Variants in NAT8 observed in about 807,000 individuals in gnomAD.
NAT8 encodes the protein N-acetyltransferase 8.
For synonymous variants in NAT8, 131 were observed against 115.4 expected, an observed-to-expected ratio of 1.14 and a Z score of -0.87; for missense variants, 357 against 287.1, an observed-to-expected ratio of 1.24 and a Z score of -1.76.
chr2:73,641,765 A>G (rs1676408205), intron 1 of NAT8, 63 bp from the exon 2 acceptor site: 10 of 1,129,008 alleles, frequency 8.9e-6, no homozygotes, highest in Non-Finnish European at 9.9e-6. Context: ...AGGAACAGGG[A>G]GACCTGCTCA....
Position 73,640,816 on chromosome 2 carries a change from A to T in NAT8, c.*129T>A. 2 of 1,024,484 alleles carry T rather than the reference A, an allele frequency of 2.0e-6. No individual in the cohort carries two copies. Among genetic ancestry groups the T allele is most frequent in the Non-Finnish European group, 2.8e-6 (2 of 727,180 alleles). 63.5% of individuals were successfully genotyped at this position (1,024,484 alleles called of 1,614,324 possible). A position where few individuals can be genotyped will look rare whatever the true frequency, so the allele number is the denominator to read the frequency against. ...CCCAGAAGCTACCCCACAAGCAATC[A>T]CATGGGACTCAGATGTGAATGGACA... On this transcript the variant is annotated 3_prime_UTR_variant, in exon 2 of 2. Coordinates refer to ENST00000272425, the MANE Select transcript of NAT8 (RefSeq NM_003960.4).
In NAT8 at chr2:73,641,283, C is replaced by T. The variant is rs1260773292; in HGVS notation, c.346G>A (p.Glu116Lys). 6.2e-7 allele frequency: 1 copy of T among 1,614,136 alleles called. No individual in the cohort carries two copies. Among genetic ancestry groups the T allele is most frequent in the Admixed American group, 1.7e-5 (1 of 59,968 alleles). Reference sequence around the variant, plus strand: ...GCTCCTACCATGCCCACCACCTTCTCTTCAGACTCAGCCACCCAGAAGCAG... The same window carrying T: ...GCTCCTACCATGCCCACCACCTTCTTTTCAGACTCAGCCACCCAGAAGCAG... Reference protein sequence around the residue: ...GSCFWVAESEEKVVGMVGALP... With the variant: ...GSCFWVAESEKKVVGMVGALP... Residue 116 changes from glutamate to lysine, a missense_variant, in exon 2 of 2, where the codon GAG becomes AAG. Transcript: ENST00000272425.
chr2:73,641,939 A>G (rs1436698994), intron 1 of NAT8, among the ~76,000 whole-genome samples: 2 of 152,128 alleles, frequency 1.3e-5, no homozygotes, highest in East Asian at 3.9e-4. Flanking sequence ...TCAACTATAG[A>G]ACAGGGGAGA....
At position 73,641,068 on chromosome 2, in the gene NAT8, G is replaced by T. The variant is rs1176576600; in HGVS notation, c.561C>A (p.Leu187=). 1 of 1,614,178 alleles carries T rather than the reference G, an allele frequency of 6.2e-7. No individual in the cohort carries two copies. Among genetic ancestry groups the T allele is most frequent in the East Asian group, 2.2e-5 (1 of 44,888 alleles). ...TGTIQLSAMA[L]YQSMGFKKTG... ...TCTTCTTGAAGCCCATGCTCTGGTA[G>T]AGGGCCATAGCAGAGAGCTGGATGG... Residue 187 remains leucine, a synonymous_variant, in exon 2 of 2, where the codon CTC becomes CTA. Transcript: ENST00000272425.
At chr2:73,642,036 CT>C (rs1558726721) in intron 1 of NAT8, among the ~76,000 whole-genome samples, 1 of 152,112 alleles carries the variant, frequency 6.6e-6, no homozygotes, top group Non-Finnish European at 1.5e-5. Context: ...ACCGCTCTTC[CT>C]TTTTCTGTTT....
In NAT8 at chr2:73,640,918, A is replaced by G. The variant is rs907124966; in HGVS notation, c.*27T>C. On this transcript the variant is annotated 3_prime_UTR_variant, in exon 2 of 2. Coordinates refer to ENST00000272425, the MANE Select transcript of NAT8 (RefSeq NM_003960.4). ...TTGCTGCTACAGCTGAATGGATTCT[A>G]TTCTGACCAATACACACAGAAAGAG... 12 of 1,582,888 alleles carry G rather than the reference A, an allele frequency of 7.6e-6. No individual in the cohort carries two copies. Among genetic ancestry groups the G allele is most frequent in the Non-Finnish European group, 1.0e-5 (12 of 1,165,224 alleles).
In NAT8 at chr2:73,641,091, T is replaced by C; in HGVS notation, c.538A>G (p.Ile180Val). 1.2e-6 allele frequency: 2 copies of C among 1,614,138 alleles called. No individual in the cohort carries two copies. Among genetic ancestry groups the C allele is most frequent in the East Asian group, 2.2e-5 (1 of 44,874 alleles). ...TAGAGGGCCATAGCAGAGAGCTGGA[T>C]GGTGCCGGTGTCCAGGATAACTTCA... ...YSEVILDTGT[I>V]QLSAMALYQS... The change falls in exon 2 of 2, where the codon ATC becomes GTC. Residue 180 changes from isoleucine to valine, a missense_variant. Coordinates refer to ENST00000272425, the MANE Select transcript of NAT8 (RefSeq NM_003960.4).
At position 73,641,235 on chromosome 2, in the gene NAT8, A is replaced by G. The variant is rs546259119; in HGVS notation, c.394T>C (p.Leu132=). Residue 132 remains leucine, a synonymous_variant, in exon 2 of 2, where the codon TTG becomes CTG. Coordinates refer to ENST00000272425, the MANE Select transcript of NAT8 (RefSeq NM_003960.4). ...AACAGCTGCAACCGCTTCTCCCTCA[A>G]GGTGGGATCATCAACAGGCAGAGCT... ...VGALPVDDPT[L]REKRLQLFHL... is the part of the protein sequence containing the mutation. 2 of 1,614,112 alleles carry G rather than the reference A, an allele frequency of 1.2e-6. No individual in the cohort carries two copies. The highest frequency in any genetic ancestry group is 1.1e-5 in the South Asian group (1 of 91,084).
rs753457718 is a variant in NAT8 at position 73,641,306 on chromosome 2, C to T, written c.323G>A (p.Cys108Tyr). 39 of 1,613,990 alleles carry T rather than the reference C, an allele frequency of 2.4e-5. No individual in the cohort carries two copies. The Admixed American group carries it at 4.3e-4, about 18-fold the overall frequency. Reference sequence around the variant, plus strand: ...CTCTTCAGACTCAGCCACCCAGAAGCAGGAGCCACGCTCACTCAGGTAGGA... The same window carrying T: ...CTCTTCAGACTCAGCCACCCAGAAGTAGGAGCCACGCTCACTCAGGTAGGA... ...TKSYLSERGS[C>Y]FWVAESEEKV... Residue 108 changes from cysteine to tyrosine, a missense_variant, in exon 2 of 2, where the codon TGC (cysteine) becomes TAC (tyrosine). Coordinates refer to ENST00000272425, the MANE Select transcript of NAT8 (RefSeq NM_003960.4).
intron 1 of NAT8, among the ~76,000 whole-genome samples, 190 bp downstream of exon 1, chr2:73,642,128 C>G (rs1188802989): frequency 6.6e-6 from 1 of 152,252 alleles, no homozygotes; most frequent in East Asian, 1.9e-4. Flanking sequence ...CCCTTTTGTC[C>G]TTCTCCAGGG....
chr2:73,641,264 A>C lies in NAT8; in HGVS notation c.365T>G (p.Val122Gly). 1 of 1,614,118 alleles carries C rather than the reference A, an allele frequency of 6.2e-7. No homozygotes were observed. Among genetic ancestry groups the C allele is most frequent in the Middle Eastern group, 1.6e-4 (1 of 6,062 alleles). The change falls in exon 2 of 2, where the codon GTA (valine) becomes GGA (glycine). Residue 122 changes from valine (V) to glycine (G), a missense_variant. Transcript: ENST00000272425. ...AESEEKVVGM[V>G]GALPVDDPTL... ...GGGATCATCAACAGGCAGAGCTCCT[A>C]CCATGCCCACCACCTTCTCTTCAGA...
chr2:73,641,575 C>T lies in NAT8; in HGVS notation c.54G>A (p.Val18=). 2 of 1,590,544 alleles carry T rather than the reference C, an allele frequency of 1.3e-6. No individual in the cohort carries two copies. The highest frequency in any genetic ancestry group is 1.7e-6 in the Non-Finnish European group (2 of 1,168,546). The change falls in exon 2 of 2, where the codon GTG becomes GTA. Residue 18 remains valine (V), a synonymous_variant. Transcript: ENST00000272425. ...KYQESDRQWV[V]GLLSRGMAEH... Reference sequence around the variant, plus strand: ...CGGCCATCCCCCGGGAGAGCAAGCCCACAACCCACTGGCGGTCGCTCTCCT... The same window carrying T: ...CGGCCATCCCCCGGGAGAGCAAGCCTACAACCCACTGGCGGTCGCTCTCCT...
chr2:73,641,009 A>T lies in NAT8; in HGVS notation c.620T>A (p.Leu207Gln), dbSNP rs764369982. 1 of 1,614,136 alleles carries T rather than the reference A, an allele frequency of 6.2e-7. No homozygotes were observed. Among genetic ancestry groups the T allele is most frequent in the East Asian group, 2.2e-5 (1 of 44,884 alleles). Residue 207 changes from leucine (L) to glutamine (Q), a missense_variant, in exon 2 of 2, where the codon CTA becomes CAA. Coordinates refer to ENST00000272425, the MANE Select transcript of NAT8 (RefSeq NM_003960.4). ...GAAATGAACTGTATGAAGAGCCACT[A>T]GCCTGGCCCACACACAGAAGAAGGA... ...GQSFFCVWAR[L>Q]VALHTVHFIY...
At chr2:73,642,009 T>TG (rs1159611640) in intron 1 of NAT8, among the ~76,000 whole-genome samples, 1 of 151,998 alleles carries the variant, frequency 6.6e-6, no homozygotes, top group Non-Finnish European at 1.5e-5. Context: ...TATAAAGCCC[T>TG]GGTAGATGAA....
At position 73,641,528 on chromosome 2, in the gene NAT8, C is replaced by T. The variant is rs773562207; in HGVS notation, c.101G>A (p.Arg34Gln). ...GGTTCGAGGCAGCTTCAGCAATTGCCGGAAGGTGGCTGGGGCATGCTCGGC... is the reference window on the plus strand; with the variant it reads ...GGTTCGAGGCAGCTTCAGCAATTGCTGGAAGGTGGCTGGGGCATGCTCGGC... ...GMAEHAPATF[R>Q]QLLKLPRTLI... Residue 34 changes from arginine to glutamine, a missense_variant, in exon 2 of 2, where the codon CGG becomes CAG. Physicochemically the swap from Arg to Gln is conservative, Grantham distance 43. Coordinates refer to ENST00000272425, the MANE Select transcript of NAT8 (RefSeq NM_003960.4). 1.7e-5 allele frequency: 27 copies of T among 1,613,024 alleles called. No homozygotes were observed. The highest frequency in any genetic ancestry group is 1.3e-4 in the African/African-American group (10 of 74,896).
intron 1 of NAT8, 106 bp from the exon 2 acceptor site, chr2:73,641,808 A>G (rs1676409021): frequency 1.4e-6 from 1 of 714,792 alleles, no homozygotes; most frequent in Non-Finnish European, 2.1e-6. Flanking sequence ...CCCATGAGGA[A>G]GCAGGCCTCT....
Position 73,641,600 on chromosome 2 carries a change from T to C in NAT8, c.29A>G (p.Gln10Arg), listed in dbSNP as rs1286411286. ...CACAACCCACTGGCGGTCGCTCTCCTGGTATTTGCGGATGTGACAAGGAGC... is the reference window on the plus strand; with the variant it reads ...CACAACCCACTGGCGGTCGCTCTCCCGGTATTTGCGGATGTGACAAGGAGC... MAPCHIRKY[Q>R]ESDRQWVVGL... is the part of the protein sequence containing the mutation. Residue 10 changes from glutamine (Q) to arginine (R), a missense_variant, in exon 2 of 2, where the codon CAG becomes CGG. Gln to Arg is a conservative substitution (Grantham distance 43). Transcript: ENST00000272425. 1 of 1,559,926 alleles carries C rather than the reference T, an allele frequency of 6.4e-7. No individual in the cohort carries two copies. The highest frequency in any genetic ancestry group is 8.7e-7 in the Non-Finnish European group (1 of 1,154,182).
At position 73,641,430 on chromosome 2, in the gene NAT8, T is replaced by A; in HGVS notation, c.199A>T (p.Ser67Cys). The A allele has an allele frequency of 6.2e-7, 1 of 1,614,050 alleles. No individual in the cohort carries two copies. Among genetic ancestry groups the A allele is most frequent in the Non-Finnish European group, 8.5e-7 (1 of 1,180,014 alleles). ...CACAGGGCAGGGAAGAGGCTGATGC[T>A]GAACACGAGGGCTAGAAGCCAGGAT... ...SGSWLLALVFSISLFPALWFL... is the reference protein window; with the variant it reads ...SGSWLLALVFCISLFPALWFL... The change falls in exon 2 of 2, where the codon AGC (serine) becomes TGC (cysteine). Residue 67 changes from serine to cysteine, a missense_variant. Coordinates refer to ENST00000272425, the MANE Select transcript of NAT8 (RefSeq NM_003960.4).
intron 1 of NAT8, among the ~76,000 whole-genome samples, 160 bp downstream of exon 1, chr2:73,642,158 C>G (rs1367155402): frequency 6.6e-6 from 1 of 152,110 alleles, no homozygotes; most frequent in East Asian, 1.9e-4. Context: ...CGCAAAAATT[C>G]TCTGTCCAAC....
Sources: allele counts gnomAD v4.1 joint callset (sites outside exome capture counted in the v4.1 genomes callset), GRCh38; gene constraint gnomAD v4.1.1; transcripts MANE v1.5; gene names NCBI Gene and HGNC (gene_info 2026-07-23, HGNC 2026-07-21).